The following KCNK13 variants were observed in gnomAD, a reference collection of about 807,000 sequenced individuals.
KCNK13 encodes potassium two pore domain channel subfamily K member 13.
Under a neutral mutation model 23.4 loss-of-function variants are expected in KCNK13, and 12 were observed. The ratio of observed to expected loss-of-function variants is 0.51; its 90% CI spans 0.33 to 0.83. KCNK13 has a LOEUF of 0.83. Ranked by LOEUF, KCNK13 falls within the 40% of genes least tolerant of loss-of-function variation. KCNK13 has a pLI of 0.02. For synonymous variants in KCNK13, 231 were observed against 229.5 expected, an observed-to-expected ratio of 1.01 and a Z score of -0.06; for missense variants, 463 against 556.3, an observed-to-expected ratio of 0.83 and a Z score of 1.69.
chr14:90,180,879 A>G (rs910312337), intron 1 of KCNK13, among the ~76,000 whole-genome samples: 8 of 151,728 alleles, frequency 5.3e-5, no homozygotes, highest in African/African-American at 1.9e-4. Flanking sequence ...TTTTTTTCAG[A>G]CAGGGTCTCA....
At position 90,062,282 on chromosome 14, in the gene KCNK13, T is replaced by C; in HGVS notation, c.77T>C (p.Leu26Pro). The C allele has an allele frequency of 6.5e-7, 1 of 1,543,376 alleles. No homozygotes were observed. Among genetic ancestry groups the C allele is most frequent in the Non-Finnish European group, 8.7e-7 (1 of 1,152,190 alleles). The change falls in exon 1 of 2, where the codon CTC becomes CCC. Residue 26 changes from leucine (L) to proline (P), a missense_variant. Physicochemically the swap from Leu to Pro is moderately conservative, Grantham distance 98. This residue lies in a region of KCNK13 where 153 missense variants were observed against 153.6 expected (regional missense o/e 1.00). Transcript: ENST00000282146. This position sits in a 1 kb window ranked among gnomAD's most constrained non-coding sequence, Gnocchi z 4.5. ...GCGCGCTTTCTGCTGCTGGCCGCGCTCATCGTGCTCTACCTGCTGGGCGGC... is the reference window on the plus strand; with the variant it reads ...GCGCGCTTTCTGCTGCTGGCCGCGCCCATCGTGCTCTACCTGCTGGGCGGC... ...DNARFLLLAA[L>P]IVLYLLGGAA...
chr14:90,141,794 T>TGGG (rs60262959), intron 1 of KCNK13, among the ~76,000 whole-genome samples: 40,634 of 123,680 alleles, frequency 0.33, 8,488 homozygotes, highest in East Asian at 0.79. Flanking sequence ...TTTTGTTTTT[T>TGGG]GGGGGGGGGG....
In KCNK13 at chr14:90,141,796, G is replaced by GC. The variant is rs370680036; in HGVS notation, c.335-42315_335-42314insC. 3.9e-4 allele frequency among the ~76,000 whole-genome samples: 56 copies of GC among 145,320 alleles called. 1 individual carries two copies. The highest frequency in any genetic ancestry group is 7.4e-4 in the Non-Finnish European group (49 of 66,132). On this transcript the variant is annotated intron_variant, in intron 1 of 1. Coordinates refer to ENST00000282146, the MANE Select transcript of KCNK13 (RefSeq NM_022054.4). ...GGTTTTTGTTTTGTTTTGTTTTTTG[G>GC]GGGGGGGGACGGAGCCTTGCTCTGT...
chr14:90,156,132 T>C (rs1890191201), intron 1 of KCNK13, among the ~76,000 whole-genome samples: 2 of 147,940 alleles, frequency 1.4e-5, no homozygotes, highest in South Asian at 4.2e-4. Context: ...TTGAGCCCGG[T>C]AGGTCGAGGC....
chr14:90,163,991 C>A (rs1890277066), intron 1 of KCNK13, among the ~76,000 whole-genome samples: 2 of 152,130 alleles, frequency 1.3e-5, no homozygotes, highest in South Asian at 2.1e-4. Context: ...TGTGCTCAGC[C>A]CACATTTCTA....
chr14:90,130,026 G>T (rs1889848583), intron 1 of KCNK13, among the ~76,000 whole-genome samples: 2 of 152,042 alleles, frequency 1.3e-5, no homozygotes, highest in South Asian at 2.1e-4. Context: ...GACATGTTTT[G>T]TCTGTTCTTT....
intron 1 of KCNK13, among the ~76,000 whole-genome samples, chr14:90,153,435 T>G (rs1014068023): frequency 6.6e-6 from 1 of 152,208 alleles, no homozygotes. Flanking sequence ...AAATGATCCA[T>G]GTAAAAGTTT....
intron 1 of KCNK13, among the ~76,000 whole-genome samples, chr14:90,112,723 G>A (rs1416669928): frequency 6.6e-6 from 1 of 151,786 alleles, no homozygotes; most frequent in Non-Finnish European, 1.5e-5. Context: ...ATCAATAGAA[G>A]GATCACATCT....
At chr14:90,103,957 C>T (rs2140408092) in intron 1 of KCNK13, among the ~76,000 whole-genome samples, 1 of 152,298 alleles carries the variant, frequency 6.6e-6, no homozygotes, top group East Asian at 1.9e-4. Flanking sequence ...GCCCTTTCAG[C>T]TTCCATTCTC....
chr14:90,175,593 A>T (rs1890414026), intron 1 of KCNK13, among the ~76,000 whole-genome samples: 1 of 152,198 alleles, frequency 6.6e-6, no homozygotes, highest in African/African-American at 2.4e-5. Context: ...TGGAGCAGGG[A>T]GCTGAAGAAG....
At chr14:90,171,042 A>G (rs1890359471) in intron 1 of KCNK13, among the ~76,000 whole-genome samples, 1 of 152,184 alleles carries the variant, frequency 6.6e-6, no homozygotes, top group South Asian at 2.1e-4. Context: ...CTTTGGCTAA[A>G]TGAGTTTGGG....
intron 1 of KCNK13, among the ~76,000 whole-genome samples, chr14:90,111,926 C>G (rs972366594): frequency 2.0e-5 from 3 of 152,190 alleles, no homozygotes; most frequent in Non-Finnish European, 4.4e-5. Flanking sequence ...ACTCCAGGCT[C>G]TTAAGAGAGA....
At chr14:90,141,494 G>A (rs1241942106) in intron 1 of KCNK13, among the ~76,000 whole-genome samples, 3 of 151,802 alleles carry the variant, frequency 2.0e-5, no homozygotes, top group Non-Finnish European at 2.9e-5. Flanking sequence ...TTTCGCTCTC[G>A]TTGCCCAGGC....
chr14:90,119,392 C>T (rs1889711593), intron 1 of KCNK13, among the ~76,000 whole-genome samples: 1 of 152,122 alleles, frequency 6.6e-6, no homozygotes, highest in Non-Finnish European at 1.5e-5. Flanking sequence ...CAAAAATCCT[C>T]AATAAAATAC....
At chr14:90,117,529 G>T (rs989405604) in intron 1 of KCNK13, among the ~76,000 whole-genome samples, 35 of 152,236 alleles carry the variant, frequency 2.3e-4, no homozygotes, top group African/African-American at 8.4e-4. Context: ...GGTGGAGGCT[G>T]CAGTGAACCA....
At chr14:90,097,857 T>C (rs1003392797) in intron 1 of KCNK13, among the ~76,000 whole-genome samples, 1 of 152,174 alleles carries the variant, frequency 6.6e-6, no homozygotes, top group African/African-American at 2.4e-5. Context: ...CATGTATCTC[T>C]CATCCAGTTA....
chr14:90,124,863 T>C (rs1193062041), intron 1 of KCNK13, among the ~76,000 whole-genome samples: 1 of 152,124 alleles, frequency 6.6e-6, no homozygotes, highest in Non-Finnish European at 1.5e-5. Flanking sequence ...AAGAAGACAA[T>C]CTCTCTGTTG....
At chr14:90,097,345 CA>C (rs1660815107) in intron 1 of KCNK13, among the ~76,000 whole-genome samples, 1 of 152,112 alleles carries the variant, frequency 6.6e-6, no homozygotes, top group Admixed American at 6.5e-5. Context: ...GCATGAACCC[CA>C]GGGGTATTCT....
intron 1 of KCNK13, among the ~76,000 whole-genome samples, chr14:90,176,185 A>T (rs967144812): frequency 6.6e-6 from 1 of 152,198 alleles, no homozygotes; most frequent in South Asian, 2.1e-4. Flanking sequence ...AGAAGTCTGC[A>T]TTGCAGACAT....
Sources: allele counts gnomAD v4.1 joint callset (sites outside exome capture counted in the v4.1 genomes callset), GRCh38; gene constraint gnomAD v4.1.1; regional missense constraint gnomAD v4.1.1; non-coding constraint Gnocchi (gnomAD v3.1); transcripts MANE v1.5; gene names NCBI Gene and HGNC (gene_info 2026-07-23, HGNC 2026-07-21).